GPC5: variants seen among roughly 807,000 people sequenced by gnomAD.
GPC5 encodes the protein glypican-5.
GPC5 carries 47 observed loss-of-function variants against 53.9 expected under a neutral mutation model. The ratio of observed to expected loss-of-function variants is 0.87; its 90% CI spans 0.69 to 1.11. The LOEUF (loss-of-function observed/expected upper bound fraction) is 1.11, where lower values mean the gene tolerates loss of function less well. Among genes scored for constraint, GPC5 ranks in the 50% most tolerant of loss-of-function variants. The pLI is 0.00. For missense variants in GPC5, 748 were observed against 713.1 expected, an observed-to-expected ratio of 1.05 and a Z score of -0.56; for synonymous variants, 286 against 263.3, an observed-to-expected ratio of 1.09 and a Z score of -0.84.
intron 5 of GPC5, among the ~76,000 whole-genome samples, chr13:91,767,399 T>C (rs1028866856): frequency 7.2e-5 from 11 of 152,218 alleles, no homozygotes; most frequent in African/African-American, 2.7e-4. Flanking sequence ...AAAAGTAAAA[T>C]GCTTATTTCT....
intron 2 of GPC5, among the ~76,000 whole-genome samples, chr13:91,680,454 A>G (rs557616275): frequency 6.6e-6 from 1 of 152,174 alleles, no homozygotes; most frequent in Non-Finnish European, 1.5e-5. Context: ...ATCTCAAAAC[A>G]AACAAACAAA....
At position 92,515,541 on chromosome 13, in the gene GPC5, T is replaced by G. The variant is rs80285366; in HGVS notation, c.1562-350741T>G. Among the ~76,000 whole-genome samples the G allele has an allele frequency of 4.1e-3, 622 of 152,340 alleles. 4 individuals carry two copies. Among genetic ancestry groups the G allele is most frequent in the African/African-American group, 0.014 (581 of 41,576 alleles). On this transcript the variant is annotated intron_variant, in intron 7 of 7. Coordinates refer to ENST00000377067, the MANE Select transcript of GPC5 (RefSeq NM_004466.6). Reference sequence around the variant, plus strand: ...TATGTACATACAACTGAGAATACACTGTAGAATTTTACTAGCTTGTTTTTC... The same window carrying G: ...TATGTACATACAACTGAGAATACACGGTAGAATTTTACTAGCTTGTTTTTC...
At chr13:91,469,907 G>A (rs1882502044) in intron 2 of GPC5, among the ~76,000 whole-genome samples, 1 of 152,118 alleles carries the variant, frequency 6.6e-6, no homozygotes. Context: ...GGGCAGGGTG[G>A]CGTGTGCCTG....
chr13:91,927,790 T>C (rs1410964396), intron 6 of GPC5, among the ~76,000 whole-genome samples: 1 of 152,178 alleles, frequency 6.6e-6, no homozygotes, highest in Admixed American at 6.5e-5. Context: ...TAGATAGGCA[T>C]TGCAGACATC....
At chr13:92,290,736 C>A (rs1272149546) in intron 7 of GPC5, among the ~76,000 whole-genome samples, 2 of 152,204 alleles carry the variant, frequency 1.3e-5, no homozygotes, top group Non-Finnish European at 2.9e-5. Context: ...GCAGTCCTCA[C>A]AGCTCTCGCT....
intron 7 of GPC5, among the ~76,000 whole-genome samples, chr13:92,787,674 A>AT: frequency 6.7e-6 from 1 of 149,500 alleles, no homozygotes; most frequent in South Asian, 2.1e-4. Context: ...CTACAAAAAA[A>AT]AAAAAAAAAG....
intron 7 of GPC5, among the ~76,000 whole-genome samples, chr13:92,569,497 C>T (rs777396879): frequency 2.0e-5 from 3 of 152,080 alleles, no homozygotes; most frequent in Non-Finnish European, 4.4e-5. Flanking sequence ...AATAGGAGCT[C>T]ATAGCAACCC....
intron 2 of GPC5, among the ~76,000 whole-genome samples, chr13:91,522,302 C>G (rs971178763): frequency 1.3e-5 from 2 of 152,128 alleles, no homozygotes; most frequent in African/African-American, 4.8e-5. Flanking sequence ...ATCCTGAAGC[C>G]CCCTATGGGC....
intron 7 of GPC5, among the ~76,000 whole-genome samples, chr13:92,853,741 G>T (rs1199216078): frequency 1.3e-5 from 2 of 152,160 alleles, no homozygotes; most frequent in African/African-American, 4.8e-5. Flanking sequence ...CAAATAATGA[G>T]ACTTTCAGAC....
chr13:91,670,881 T>C (rs1383578920), intron 2 of GPC5, among the ~76,000 whole-genome samples: 1 of 152,150 alleles, frequency 6.6e-6, no homozygotes, highest in Non-Finnish European at 1.5e-5. Context: ...ATAAAACTGA[T>C]AGAATTAAAA....
chr13:92,453,486 G>A (rs1452460854), intron 7 of GPC5, among the ~76,000 whole-genome samples: 8 of 151,980 alleles, frequency 5.3e-5, no homozygotes, highest in Admixed American at 4.6e-4. Flanking sequence ...GCCCCGCGCC[G>A]ACTCCAAGAT....
At chr13:92,212,032 C>T (rs2042378828) in intron 7 of GPC5, among the ~76,000 whole-genome samples, 1 of 147,568 alleles carries the variant, frequency 6.8e-6, no homozygotes. Flanking sequence ...GTGATTGGGT[C>T]ACAAGGGTGG....
chr13:92,419,486 G>A (rs1358206166), intron 7 of GPC5, among the ~76,000 whole-genome samples: 1 of 152,150 alleles, frequency 6.6e-6, no homozygotes, highest in Non-Finnish European at 1.5e-5. Flanking sequence ...AATGACTAGT[G>A]TTAAATATTA....
intron 5 of GPC5, among the ~76,000 whole-genome samples, chr13:91,888,303 G>C (rs1566324314): frequency 6.6e-6 from 1 of 152,136 alleles, no homozygotes; most frequent in Non-Finnish European, 1.5e-5. Context: ...CTCCTACTGG[G>C]TTCCTCCCAG....
chr13:91,816,476 T>C (rs1391441421), intron 5 of GPC5, among the ~76,000 whole-genome samples: 4 of 152,156 alleles, frequency 2.6e-5, no homozygotes, highest in African/African-American at 9.7e-5. Flanking sequence ...TATTTTTATC[T>C]AGTTTAAGAA....
intron 7 of GPC5, among the ~76,000 whole-genome samples, chr13:92,544,024 C>T (rs1347215561): frequency 6.6e-6 from 1 of 151,602 alleles, no homozygotes; most frequent in Non-Finnish European, 1.5e-5. Context: ...TTCAAAATGC[C>T]AAATAGAAGT....
At chr13:92,307,560 T>G (rs1358671654) in intron 7 of GPC5, among the ~76,000 whole-genome samples, 1 of 152,276 alleles carries the variant, frequency 6.6e-6, no homozygotes, top group Admixed American at 6.5e-5. Flanking sequence ...TTTCTTTACA[T>G]TCCTAAAGTT....
At chr13:91,651,967 C>G (rs1237703079) in intron 2 of GPC5, among the ~76,000 whole-genome samples, 2 of 152,142 alleles carry the variant, frequency 1.3e-5, no homozygotes, top group African/African-American at 4.8e-5. Flanking sequence ...ATTCCTTGCT[C>G]CTACTCTGGA....
At chr13:92,298,036 A>G (rs1304742644) in intron 7 of GPC5, among the ~76,000 whole-genome samples, 1 of 152,016 alleles carries the variant, frequency 6.6e-6, no homozygotes, top group African/African-American at 2.4e-5. Context: ...GAACCCACCA[A>G]TTCCGGACAC....
Sources: gnomAD v4.1 joint callset for allele counts (sites outside exome capture counted in the v4.1 genomes callset) on GRCh38, gnomAD v4.1.1 for gene constraint, MANE v1.5 for transcripts, NCBI Gene and HGNC (gene_info 2026-07-23, HGNC 2026-07-21) for gene names.